PHF3: variants seen among roughly 807,000 people sequenced by gnomAD.
The protein encoded by PHF3 is PHD finger protein 3.
In PHF3, 41 loss-of-function variants were observed where a neutral mutation model predicts 178.4. The ratio of observed to expected loss-of-function variants is 0.23; its 90% confidence interval spans 0.18 to 0.30. The LOEUF (loss-of-function observed/expected upper bound fraction) is 0.30. PHF3 is among the 10% of genes least tolerant of loss of function. PHF3 has a pLI of 1.00. For missense variants in PHF3, 2,346 were observed against 2,398.1 expected (o/e 0.98, Z 0.45); for synonymous variants, 842 against 800.5 (o/e 1.05, Z -0.88).
Position 63,639,818 on chromosome 6 carries a change from A to T in PHF3, c.-26+3668A>T, listed in dbSNP as rs923105118. Among the ~76,000 whole-genome samples, 2 of 151,872 alleles carry T rather than the reference A, an allele frequency of 1.3e-5. 1 individual carries two copies. Among genetic ancestry groups the T allele is most frequent in the Non-Finnish European group, 2.9e-5 (2 of 67,962 alleles). The stretch of plus-strand genomic sequence containing the variant: ...CAATTACACGTTAGCTTGGGTTGTT[A>T]CTCCCTAGGCCATAGTTTTAATGAT... On this transcript the variant is annotated intron_variant, in intron 1 of 15. Transcript: ENST00000262043.
chr6:63,692,929 G>A (rs1767068996), intron 5 of PHF3, among the ~76,000 whole-genome samples: 2 of 152,184 alleles, frequency 1.3e-5, no homozygotes, highest in African/African-American at 4.8e-5. Flanking sequence ...AGATTGAAGA[G>A]CATGAGGATG....
chr6:63,643,609 C>G (rs1764666576), intron 1 of PHF3, among the ~76,000 whole-genome samples: 1 of 152,130 alleles, frequency 6.6e-6, no homozygotes, highest in African/African-American at 2.4e-5. Flanking sequence ...ACAATGGTAG[C>G]TGCTTAGTAA....
In PHF3 at chr6:63,721,916, G is replaced by A; in HGVS notation, c.*8208G>A. The A allele has an allele frequency of 1.2e-6, 1 of 863,898 alleles. No homozygotes were observed. Among genetic ancestry groups the A allele is most frequent in the South Asian group, 1.8e-5 (1 of 54,192 alleles). The allele number at this position is 863,898 out of a possible 1,614,324, so 53.5% of individuals were successfully genotyped here. On this transcript the variant is annotated 3_prime_UTR_variant, in exon 16 of 16. Coordinates refer to ENST00000262043, the MANE Select transcript of PHF3 (RefSeq NM_001370348.2). The stretch of plus-strand genomic sequence containing the variant: ...TATGGGGAAAAAAGTAACAGATCTT[G>A]AGCACAATTGTGTTAGTTTTGTTTC...
chr6:63,683,840 G>A (rs572193293), intron 3 of PHF3, among the ~76,000 whole-genome samples: 10 of 152,166 alleles, frequency 6.6e-5, no homozygotes, highest in African/African-American at 2.2e-4. Context: ...ATGGAAAAGA[G>A]ATTTGATGAA....
chr6:63,667,617 C>T (rs1224583512), intron 2 of PHF3, among the ~76,000 whole-genome samples: 1 of 152,166 alleles, frequency 6.6e-6, no homozygotes, highest in Non-Finnish European at 1.5e-5. Context: ...AGTCATTTGT[C>T]CCCAAGCTAT....
intron 2 of PHF3, among the ~76,000 whole-genome samples, chr6:63,675,228 T>C (rs1766113854): frequency 6.6e-6 from 1 of 152,142 alleles, no homozygotes; most frequent in Non-Finnish European, 1.5e-5. Context: ...ATTCCATTTC[T>C]CAACAGTAGG....
At chr6:63,680,810 C>A (rs569985999) in intron 3 of PHF3, among the ~76,000 whole-genome samples, 22 of 151,954 alleles carry the variant, frequency 1.4e-4, no homozygotes, top group Non-Finnish European at 2.4e-4. Flanking sequence ...CCTCTTGGAG[C>A]CTTCTGATCC....
chr6:63,636,906 A>C (rs966370563), intron 1 of PHF3: 7 of 152,076 alleles, frequency 4.6e-5, no homozygotes, highest in Admixed American at 1.3e-4. Context: ...GAGAATGTTG[A>C]TATCGCGCAC....
intron 2 of PHF3, among the ~76,000 whole-genome samples, chr6:63,674,691 C>T (rs542403763): frequency 1.3e-5 from 2 of 152,222 alleles, no homozygotes; most frequent in South Asian, 4.1e-4. Flanking sequence ...ATACTTAACA[C>T]AGCCCCTATA....
chr6:63,662,662 C>T (rs1041740426), intron 2 of PHF3, among the ~76,000 whole-genome samples: 1 of 152,162 alleles, frequency 6.6e-6, no homozygotes, highest in Non-Finnish European at 1.5e-5. Context: ...AAAATACTGT[C>T]TTTCCCTAAT....
At chr6:63,651,837 A>T (rs556227440) in intron 2 of PHF3, among the ~76,000 whole-genome samples, 1 of 152,210 alleles carries the variant, frequency 6.6e-6, no homozygotes, top group South Asian at 2.1e-4. Context: ...TATTTCACCT[A>T]ATGTCCTAGA....
intron 2 of PHF3, among the ~76,000 whole-genome samples, chr6:63,658,708 TTGTGTGTGTGTGTGTGTGTG>T (rs3071174): frequency 0.36 from 52,421 of 145,244 alleles, 9,604 homozygotes; most frequent in African/African-American, 0.46. Context: ...CCAATAGATT[TTGTGTGTGTGTGTGTGTGTG>T]TGTGTGTGTG....
intron 4 of PHF3, among the ~76,000 whole-genome samples, chr6:63,687,421 A>G (rs1766762126): frequency 6.6e-6 from 1 of 152,204 alleles, no homozygotes; most frequent in South Asian, 2.1e-4. Context: ...GACTGTCTCC[A>G]TAAATAAATG....
chr6:63,703,177 C>T (rs1332111304), intron 10 of PHF3, among the ~76,000 whole-genome samples: 13 of 152,180 alleles, frequency 8.5e-5, no homozygotes, highest in Admixed American at 8.5e-4. Context: ...CGTGCCTGGC[C>T]TGACTTAGTG....
chr6:63,638,489 A>T (rs531318331), intron 1 of PHF3, among the ~76,000 whole-genome samples: 4 of 152,078 alleles, frequency 2.6e-5, no homozygotes, highest in Middle Eastern at 3.2e-3. Context: ...TCCTTTTTAC[A>T]TATGTTTTTT....
chr6:63,644,423 G>GT (rs1221319050), intron 1 of PHF3, among the ~76,000 whole-genome samples: 3 of 152,054 alleles, frequency 2.0e-5, no homozygotes, highest in Non-Finnish European at 4.4e-5. Context: ...CATATTGGGC[G>GT]TAAGTATTGG....
rs377486519 is a variant in PHF3 at position 63,688,022 on chromosome 6, A to G, written c.2189+2111A>G. Among the ~76,000 whole-genome samples, 22 of 151,724 alleles carry G rather than the reference A, an allele frequency of 1.5e-4. No individual in the cohort carries two copies. In the East Asian group the frequency reaches 4.1e-3, roughly 28 times the overall value. ...ACACGGTGAAACCCCGTCTCTACTA[A>G]AAATACAAAAAATTAGCTGGGCGTG... On this transcript the variant is annotated intron_variant, in intron 4 of 15. Coordinates refer to ENST00000262043, the MANE Select transcript of PHF3 (RefSeq NM_001370348.2).
intron 9 of PHF3, among the ~76,000 whole-genome samples, chr6:63,700,755 T>C (rs1767439266): frequency 6.6e-6 from 1 of 152,212 alleles, no homozygotes; most frequent in Admixed American, 6.5e-5. Flanking sequence ...AGTTAATTTT[T>C]GTATTTTTAG....
At position 63,698,312 on chromosome 6, in the gene PHF3, G is replaced by C; in HGVS notation, c.2770G>C (p.Ala924Pro). 1 of 1,612,950 alleles carries C rather than the reference G, an allele frequency of 6.2e-7. No individual in the cohort carries two copies. The highest frequency in any genetic ancestry group is 1.1e-5 in the South Asian group (1 of 90,952). ...TGCTGCTTCTGCTTCCAAGCCTTCT[G>C]CAGATCAGATCAGGCAAAGTGTCAG... is the stretch of plus-strand genomic sequence containing the variant. ...HPAASASKPS[A>P]DQIRQSVRHS... The change falls in exon 7 of 16, where the codon GCA becomes CCA. Residue 924 changes from alanine (A) to proline (P), a missense_variant. This residue lies in a region of PHF3 where 252 missense variants were observed against 232.0 expected (regional missense o/e 1.09). Coordinates refer to ENST00000262043, the MANE Select transcript of PHF3 (RefSeq NM_001370348.2).
Sources: allele counts gnomAD v4.1 joint callset (sites outside exome capture counted in the v4.1 genomes callset), GRCh38; gene constraint gnomAD v4.1.1; regional missense constraint gnomAD v4.1.1; transcripts MANE v1.5; gene names NCBI Gene and HGNC (gene_info 2026-07-23, HGNC 2026-07-21).